The following CDH13 variants were observed in gnomAD, a reference collection of about 807,000 sequenced individuals.
CDH13 encodes cadherin-13.
A neutral mutation model predicts 63.8 loss-of-function variants in CDH13; 24 were observed. The observed-to-expected ratio is 0.38, with a 90% CI of 0.27 to 0.53. CDH13 has a LOEUF of 0.53. Ranked by LOEUF, CDH13 falls within the 20% of genes least tolerant of loss-of-function variation. The probability of loss-of-function intolerance (pLI) is 0.85; values close to 1 mark genes in which losing one functional copy is unlikely to be tolerated. For synonymous variants in CDH13, 503 were observed against 355.3 expected, an observed-to-expected ratio of 1.42 and a Z score of -4.67; for missense variants, 1,049 against 903.1, an observed-to-expected ratio of 1.16 and a Z score of -2.07.
intron 11 of CDH13, among the ~76,000 whole-genome samples, chr16:83,752,413 C>A (rs575791941): frequency 1.3e-5 from 2 of 152,292 alleles, no homozygotes; most frequent in African/African-American, 4.8e-5. Context: ...GAAACAGACA[C>A]CAAATTTAGT....
chr16:83,138,563 T>C (rs1332890028), intron 4 of CDH13, among the ~76,000 whole-genome samples: 4 of 152,130 alleles, frequency 2.6e-5, no homozygotes, highest in African/African-American at 9.7e-5. Flanking sequence ...TCAAAGTGGC[T>C]GTGATGCAAG....
chr16:83,676,857 A>G (rs969756280), intron 9 of CDH13, among the ~76,000 whole-genome samples: 2 of 151,950 alleles, frequency 1.3e-5, no homozygotes, highest in East Asian at 3.9e-4. Flanking sequence ...CTCTGACCCA[A>G]CCTGCCAGAT....
chr16:83,360,273 GTAC>G (rs2151384791), intron 6 of CDH13, among the ~76,000 whole-genome samples: 1 of 152,288 alleles, frequency 6.6e-6, no homozygotes, highest in East Asian at 1.9e-4. Context: ...ATTCGACAAT[GTAC>G]CACGTACGGA....
chr16:83,675,694 A>T (rs1379760629), intron 9 of CDH13, among the ~76,000 whole-genome samples: 1 of 152,208 alleles, frequency 6.6e-6, no homozygotes, highest in East Asian at 1.9e-4. Context: ...ACTTCAGGGG[A>T]GGCAGTGACT....
chr16:83,473,142 T>C (rs1214788711), intron 6 of CDH13, among the ~76,000 whole-genome samples: 2 of 152,236 alleles, frequency 1.3e-5, no homozygotes, highest in Admixed American at 1.3e-4. Context: ...CATCAAGTTT[T>C]ATTCTTCATA....
At position 83,032,231 on chromosome 16, in the gene CDH13, T is replaced by C; in HGVS notation, c.366+13T>C. 1 of 1,607,052 alleles carries C rather than the reference T, an allele frequency of 6.2e-7. No individual in the cohort carries two copies. The highest frequency in any genetic ancestry group is 8.5e-7 in the Non-Finnish European group (1 of 1,174,242). On this transcript the variant is annotated intron_variant, in intron 3 of 13. Coordinates refer to ENST00000567109, the MANE Select transcript of CDH13 (RefSeq NM_001257.5). ...GGGCTCCTTGCAGGTAACACATCTG[T>C]TTGAGATAACTTGGGTTCAAGGAGG...
At position 82,663,402 on chromosome 16, in the gene CDH13, C is replaced by T. The variant is rs569540750; in HGVS notation, c.45+36265C>T. Among the ~76,000 whole-genome samples, 269 of 152,190 alleles carry T rather than the reference C, an allele frequency of 1.8e-3. 4 individuals are homozygous for T. Among genetic ancestry groups the T allele is most frequent in the Non-Finnish European group, 3.1e-3 (210 of 68,016 alleles). On this transcript the variant is annotated intron_variant, in intron 1 of 13. Transcript: ENST00000567109. Reference sequence around the variant, plus strand: ...GTTTCTCCATGTTGTTCAGGCTGGTCTTGAACTCCCGACCTCAGATAATCC... The same window carrying T: ...GTTTCTCCATGTTGTTCAGGCTGGTTTTGAACTCCCGACCTCAGATAATCC...
intron 7 of CDH13, among the ~76,000 whole-genome samples, chr16:83,583,940 A>C (rs867424509): frequency 1.2e-4 from 18 of 151,834 alleles, no homozygotes; most frequent in Non-Finnish European, 1.2e-4. Context: ...AATAAACAAA[A>C]ATTTAAAAAA....
At chr16:83,260,139 C>CAG (rs1290831598) in intron 5 of CDH13, among the ~76,000 whole-genome samples, 4 of 150,364 alleles carry the variant, frequency 2.7e-5, no homozygotes, top group African/African-American at 9.8e-5. Flanking sequence ...CACACACACA[C>CAG]ACACGCTCTC....
intron 5 of CDH13, among the ~76,000 whole-genome samples, chr16:83,335,481 A>G (rs4782772): frequency 0.97 from 147,382 of 152,190 alleles, 71,521 homozygotes; most frequent in Non-Finnish European, 1. Flanking sequence ...ATCCCTGCTT[A>G]CATGTAGTGA....
At chr16:83,431,993 C>T (rs1328225305) in intron 6 of CDH13, among the ~76,000 whole-genome samples, 1 of 152,068 alleles carries the variant, frequency 6.6e-6, no homozygotes, top group African/African-American at 2.4e-5. Flanking sequence ...ATCCTTCTGG[C>T]CACTTTGTTG....
At chr16:82,878,841 G>A (rs549271175) in intron 2 of CDH13, among the ~76,000 whole-genome samples, 1 of 152,106 alleles carries the variant, frequency 6.6e-6, no homozygotes, top group South Asian at 2.1e-4. Context: ...ATCTAACATT[G>A]AGGCATTGAA....
intron 6 of CDH13, among the ~76,000 whole-genome samples, chr16:83,383,616 G>T (rs1013508411): frequency 6.6e-6 from 1 of 152,104 alleles, no homozygotes; most frequent in African/African-American, 2.4e-5. Flanking sequence ...GACTCATGTG[G>T]TTTTAATTCT....
At chr16:82,658,444 T>C (rs1202692061) in intron 1 of CDH13, among the ~76,000 whole-genome samples, 3 of 152,246 alleles carry the variant, frequency 2.0e-5, no homozygotes, top group Admixed American at 6.5e-5. Context: ...AATCCCATCA[T>C]GGTTACATTT....
chr16:82,775,378 A>G (rs2035447635), intron 1 of CDH13, among the ~76,000 whole-genome samples: 1 of 152,210 alleles, frequency 6.6e-6, no homozygotes. Context: ...AGCTGTATGT[A>G]TGAGCATGGG....
At chr16:83,121,290 C>T (rs998348451) in intron 3 of CDH13, among the ~76,000 whole-genome samples, 5 of 152,134 alleles carry the variant, frequency 3.3e-5, no homozygotes, top group African/African-American at 1.2e-4. Flanking sequence ...AAATAGAATG[C>T]ATTGAATATG....
At chr16:83,153,623 A>C (rs1278817974) in intron 4 of CDH13, among the ~76,000 whole-genome samples, 1 of 152,216 alleles carries the variant, frequency 6.6e-6, no homozygotes, top group East Asian at 1.9e-4. Flanking sequence ...AGATGGAGTC[A>C]CTTAAGTTGG....
intron 3 of CDH13, among the ~76,000 whole-genome samples, chr16:83,063,673 A>C (rs2031770973): frequency 6.6e-6 from 1 of 152,196 alleles, no homozygotes; most frequent in African/African-American, 2.4e-5. Context: ...TGAACAAATT[A>C]GCACAAACTT....
intron 6 of CDH13, among the ~76,000 whole-genome samples, chr16:83,474,030 G>T (rs1271965357): frequency 2.0e-5 from 3 of 152,082 alleles, no homozygotes; most frequent in South Asian, 4.1e-4. Context: ...GCTTTTGTGT[G>T]TCCCTCTGAG....
Sources: allele counts gnomAD v4.1 joint callset (sites outside exome capture counted in the v4.1 genomes callset), GRCh38; gene constraint gnomAD v4.1.1; transcripts MANE v1.5; gene names NCBI Gene and HGNC (gene_info 2026-07-23, HGNC 2026-07-21).